Variants in FREM1 observed in about 807,000 individuals in gnomAD.
FREM1 encodes the protein FRAS1-related extracellular matrix protein 1.
A neutral mutation model predicts 210.1 loss-of-function variants in FREM1; 220 were observed. That is an observed-to-expected ratio of 1.05 (90% CI 0.94 to 1.17). The LOEUF is 1.17. Ranked by LOEUF, FREM1 falls within the 50% of genes most tolerant of loss-of-function variation. The pLI, the probability that FREM1 is intolerant of heterozygous loss-of-function variation, is 0.00. For synonymous variants in FREM1, 1,189 were observed against 980.2 expected (o/e 1.21, Z -3.98); for missense variants, 3,454 against 2,675.5 (o/e 1.29, Z -6.42).
chr9:14,866,646 T>A (rs1831578511), intron 2 of FREM1, among the ~76,000 whole-genome samples: 1 of 152,194 alleles, frequency 6.6e-6, no homozygotes, highest in South Asian at 2.1e-4. Context: ...CCTTCTTCTC[T>A]TTTTCACAAT....
chr9:14,850,135 C>G (rs1371201834), intron 6 of FREM1, among the ~76,000 whole-genome samples: 2 of 152,162 alleles, frequency 1.3e-5, no homozygotes, highest in Non-Finnish European at 2.9e-5. Flanking sequence ...CTGTTTGAAT[C>G]AAGTTGCTGG....
chr9:14,900,714 C>A (rs1014889190), intron 1 of FREM1, among the ~76,000 whole-genome samples: 3 of 152,158 alleles, frequency 2.0e-5, no homozygotes, highest in East Asian at 1.9e-4. Flanking sequence ...GCTGGGATGG[C>A]CATCCCTGGA....
chr9:14,856,465 G>A (rs1199480667), intron 5 of FREM1, among the ~76,000 whole-genome samples: 1 of 152,108 alleles, frequency 6.6e-6, no homozygotes, highest in Non-Finnish European at 1.5e-5. Context: ...GGGTAATAAT[G>A]TTCAATATTT....
At chr9:14,861,423 C>T (rs566361273) in intron 3 of FREM1, among the ~76,000 whole-genome samples, 48 of 148,400 alleles carry the variant, frequency 3.2e-4, no homozygotes, top group South Asian at 2.1e-3. Flanking sequence ...GAGATACTTT[C>T]ATACAGGCAA....
intron 36 of FREM1, 69 bp downstream of exon 36, chr9:14,740,080 G>A: frequency 2.2e-6 from 2 of 909,206 alleles, no homozygotes; most frequent in Non-Finnish European, 3.6e-6. Flanking sequence ...GAAGTAGCAG[G>A]GTGGTGGTGC....
At chr9:14,744,641 C>A (rs544541375) in intron 35 of FREM1, among the ~76,000 whole-genome samples, 1 of 151,920 alleles carries the variant, frequency 6.6e-6, no homozygotes, top group African/African-American at 2.4e-5. Context: ...TCAAGTATTT[C>A]TAAACATCAA....
At chr9:14,832,865 G>A (rs917341338) in intron 10 of FREM1, among the ~76,000 whole-genome samples, 2 of 152,144 alleles carry the variant, frequency 1.3e-5, no homozygotes, top group Non-Finnish European at 2.9e-5. Flanking sequence ...AAACAATCTT[G>A]TATGCTTTGC....
chr9:14,748,041 T>C (rs1112042), intron 31 of FREM1, among the ~76,000 whole-genome samples: 49,883 of 151,984 alleles, frequency 0.33, 8,197 homozygotes, highest in South Asian at 0.36. Context: ...GAGTATGCAA[T>C]GGTTAGAATG....
chr9:14,865,263 T>G (rs769543861), intron 2 of FREM1, among the ~76,000 whole-genome samples: 29 of 152,198 alleles, frequency 1.9e-4, no homozygotes, highest in Non-Finnish European at 4.0e-4. Flanking sequence ...CCTGGGGTGC[T>G]TTCCACCCAG....
At chr9:14,882,626 TG>T (rs1222243833) in intron 1 of FREM1, among the ~76,000 whole-genome samples, 1 of 151,146 alleles carries the variant, frequency 6.6e-6, no homozygotes, top group Admixed American at 6.6e-5. Context: ...GGCTAATTTT[TG>T]TATTATTTTT....
chr9:14,750,002 G>A (rs374588663), intron 30 of FREM1, 125 bp downstream of exon 30: 5 of 965,624 alleles, frequency 5.2e-6, no homozygotes, highest in African/African-American at 3.3e-5. Context: ...CACGACTGAG[G>A]GTGCTTTCTT....
chr9:14,805,506 T>A (rs886253828), intron 18 of FREM1, among the ~76,000 whole-genome samples: 1 of 152,322 alleles, frequency 6.6e-6, no homozygotes, highest in East Asian at 1.9e-4. Flanking sequence ...CACACTTGAG[T>A]ATAAAAAGAG....
intron 13 of FREM1, among the ~76,000 whole-genome samples, chr9:14,821,253 G>A (rs183639899): frequency 6.6e-6 from 1 of 151,854 alleles, no homozygotes; most frequent in African/African-American, 2.4e-5. Flanking sequence ...CTTTTTGAGG[G>A]ACTATTTCAT....
At chr9:14,742,025 G>A (rs1019530400) in intron 35 of FREM1, among the ~76,000 whole-genome samples, 1 of 152,102 alleles carries the variant, frequency 6.6e-6, no homozygotes, top group African/African-American at 2.4e-5. Flanking sequence ...TAAGAGCATA[G>A]TTATTCGCAA....
rs773839805 is a variant in FREM1, at chr9:14,746,481, T to C, written c.6139-13A>G. The C allele has an allele frequency of 1.1e-5, 18 of 1,596,802 alleles. No individual in the cohort carries two copies. Among genetic ancestry groups the C allele is most frequent in the Non-Finnish European group, 6.0e-6 (7 of 1,164,496 alleles). ...TGTCTTCCACATCCTGAAAAACAGTTGTCTGTGTTCATATCATAATGGTCT... is the reference window on the plus strand; with the variant it reads ...TGTCTTCCACATCCTGAAAAACAGTCGTCTGTGTTCATATCATAATGGTCT... On this transcript the variant is annotated splice_polypyrimidine_tract_variant and intron_variant, in intron 34 of 36. Coordinates refer to ENST00000380880, the MANE Select transcript of FREM1 (RefSeq NM_001379081.2).
chr9:14,884,215 C>T lies in FREM1; in HGVS notation c.-267-14971G>A, dbSNP rs966640185. Among the ~76,000 whole-genome samples the T allele has an allele frequency of 5.9e-5, 9 of 151,536 alleles. No homozygotes were observed. The South Asian group carries it at 8.4e-4, about 14-fold the overall frequency. ...CTGCACTCCAGCCTGGGCGACAGAG[C>T]GAGACTCCATCTCAAAAAAGAAAAA... On this transcript the variant is annotated intron_variant, in intron 1 of 36. Transcript: ENST00000380880.
At chr9:14,793,031 G>C in intron 21 of FREM1, 147 bp from the exon 22 acceptor site, 2 of 557,354 alleles carry the variant, frequency 3.6e-6, no homozygotes, top group South Asian at 3.2e-5. Flanking sequence ...ACTAGTGAGA[G>C]GAATGAAACA....
At chr9:14,783,870 A>G (rs1189176885) in intron 24 of FREM1, among the ~76,000 whole-genome samples, 1 of 152,212 alleles carries the variant, frequency 6.6e-6, no homozygotes, top group East Asian at 1.9e-4. Context: ...AGTTACCAGA[A>G]CACATTGTGT....
At position 14,853,910 on chromosome 9, in the gene FREM1, T is replaced by C. The variant is rs74879678; in HGVS notation, c.829-2303A>G. On this transcript the variant is annotated intron_variant, in intron 5 of 36. Coordinates refer to ENST00000380880, the MANE Select transcript of FREM1 (RefSeq NM_001379081.2). ...AAGACCAATTGAGTCTAGAGTCAAGTCTAAATAAGTACGTTATTTTAAACA... is the reference window on the plus strand; with the variant it reads ...AAGACCAATTGAGTCTAGAGTCAAGCCTAAATAAGTACGTTATTTTAAACA... Among the ~76,000 whole-genome samples the C allele has an allele frequency of 9.3e-3, 1,424 of 152,322 alleles. 22 individuals are homozygous for C. Among genetic ancestry groups the C allele is most frequent in the African/African-American group, 0.032 (1,345 of 41,570 alleles).
Sources: allele counts gnomAD v4.1 joint callset (sites outside exome capture counted in the v4.1 genomes callset), GRCh38; gene constraint gnomAD v4.1.1; transcripts MANE v1.5; gene names NCBI Gene and HGNC (gene_info 2026-07-23, HGNC 2026-07-21).